ARHGEF4: variants seen among roughly 807,000 people sequenced by gnomAD.
The protein encoded by ARHGEF4 is APC-stimulated guanine nucleotide exchange factor 1.
In ARHGEF4, 119 loss-of-function variants were observed where a neutral mutation model predicts 162.0. The ratio of observed to expected loss-of-function variants is 0.73; its 90% CI spans 0.63 to 0.86. The LOEUF is 0.86. Ranked by LOEUF, ARHGEF4 falls within the 40% of genes least tolerant of loss-of-function variation. The pLI, the probability that ARHGEF4 is intolerant of heterozygous loss-of-function variation, is 0.00. For missense variants in ARHGEF4, 2,488 were observed against 2,456.0 expected (o/e 1.01, Z -0.28); for synonymous variants, 1,014 against 979.9 (o/e 1.03, Z -0.65).
At position 131,038,887 on chromosome 2, in the gene ARHGEF4, C is replaced by A; in HGVS notation, c.4160C>A (p.Ala1387Glu). The change falls in exon 6 of 14, where the codon GCA (alanine) becomes GAA (glutamate). Residue 1387 changes from alanine to glutamate, a missense_variant. Ala to Glu is a moderately radical substitution (Grantham distance 107). Around this residue, in one of 6 missense-constraint regions of ARHGEF4, gnomAD observed 5 missense variants for 18.5 expected, o/e 0.27. Transcript: ENST00000409359. Reference sequence around the variant, plus strand: ...GATGGCAGTGTGGTCTGCGCTGAAGCACTCTGGGACCATGTCACCATGGAC... The same window carrying A: ...GATGGCAGTGTGGTCTGCGCTGAAGAACTCTGGGACCATGTCACCATGGAC... ...ISDGSVVCAE[A>E]LWDHVTMDDQ... 1 of 1,613,296 alleles carries A rather than the reference C, an allele frequency of 6.2e-7. No homozygotes were observed. Among genetic ancestry groups the A allele is most frequent in the Non-Finnish European group, 8.5e-7 (1 of 1,179,912 alleles).
intron 1 of ARHGEF4, among the ~76,000 whole-genome samples, chr2:130,892,281 G>A (rs923850508): frequency 3.3e-5 from 5 of 152,300 alleles, no homozygotes; most frequent in Middle Eastern, 3.4e-3. Context: ...CAGATGTGGA[G>A]AGTTTCCCTC....
intron 2 of ARHGEF4, among the ~76,000 whole-genome samples, chr2:130,922,640 T>C (rs1236511054): frequency 6.6e-6 from 1 of 152,176 alleles, no homozygotes; most frequent in Non-Finnish European, 1.5e-5. Context: ...AGTGAGTTAG[T>C]CTAGAGTCCG....
intron 1 of ARHGEF4, among the ~76,000 whole-genome samples, chr2:130,896,290 T>C (rs1306105979): frequency 6.6e-6 from 1 of 152,240 alleles, no homozygotes; most frequent in East Asian, 1.9e-4. Flanking sequence ...TAAGTACTTA[T>C]GTTGTCTTGG....
chr2:131,008,780 A>G, intron 4 of ARHGEF4, among the ~76,000 whole-genome samples: 1 of 152,160 alleles, frequency 6.6e-6, no homozygotes. Context: ...AATATTTACC[A>G]CTTTATATAA....
chr2:130,860,414 CAA>C (rs1370398520), intron 1 of ARHGEF4, among the ~76,000 whole-genome samples: 5 of 68,314 alleles, frequency 7.3e-5, no homozygotes, highest in African/African-American at 5.2e-4. Context: ...TGCTCAACAA[CAA>C]GAGTGAGTTA....
intron 1 of ARHGEF4, among the ~76,000 whole-genome samples, chr2:130,903,457 A>AC (rs1436939693): frequency 4.6e-5 from 7 of 152,012 alleles, no homozygotes; most frequent in African/African-American, 1.4e-4. Context: ...ATGGGGTTTC[A>AC]CCATGTTGGC....
At chr2:131,018,426 G>T (rs904203661) in intron 4 of ARHGEF4, among the ~76,000 whole-genome samples, 1 of 152,028 alleles carries the variant, frequency 6.6e-6, no homozygotes, top group Non-Finnish European at 1.5e-5. Context: ...TTTGAGTTGG[G>T]CTAGTTTTTG....
At chr2:130,981,671 AAG>A (rs1491082406) in intron 4 of ARHGEF4, among the ~76,000 whole-genome samples, 2 of 151,730 alleles carry the variant, frequency 1.3e-5, no homozygotes, top group African/African-American at 2.4e-5. Flanking sequence ...AAAAAAAAAA[AAG>A]AAAAAAAAGA....
intron 1 of ARHGEF4, among the ~76,000 whole-genome samples, chr2:130,852,703 C>T (rs994911937): frequency 6.6e-6 from 1 of 152,298 alleles, no homozygotes; most frequent in South Asian, 2.1e-4. Context: ...ATCTGAAAGC[C>T]GAGCAGGACT....
chr2:130,844,691 C>G (rs1203053207), intron 1 of ARHGEF4, among the ~76,000 whole-genome samples: 4 of 152,072 alleles, frequency 2.6e-5, no homozygotes, highest in Non-Finnish European at 5.9e-5. Flanking sequence ...TCATGTAACC[C>G]CTTCACTCTC....
intron 1 of ARHGEF4, among the ~76,000 whole-genome samples, chr2:130,864,382 G>A (rs553364508): frequency 2.0e-5 from 3 of 152,290 alleles, no homozygotes; most frequent in African/African-American, 7.2e-5. Context: ...GCCTGGGGCT[G>A]GAGTGAGGGG....
chr2:131,046,015 C>G, intron 13 of ARHGEF4, 23 bp from the exon 14 acceptor site: 1 of 1,600,500 alleles, frequency 6.2e-7, no homozygotes, highest in African/African-American at 1.3e-5. Flanking sequence ...ACCCATGACC[C>G]TCTGCTGTCT....
At chr2:130,930,843 C>G in intron 2 of ARHGEF4, 109 bp from the exon 3 acceptor site, 1 of 1,072,658 alleles carries the variant, frequency 9.3e-7, no homozygotes, top group Non-Finnish European at 1.3e-6. Context: ...GAAAATTAAC[C>G]AAAACATAGT....
chr2:130,882,377 G>A (rs1031992752), intron 1 of ARHGEF4, among the ~76,000 whole-genome samples: 3 of 152,038 alleles, frequency 2.0e-5, no homozygotes, highest in East Asian at 1.9e-4. Flanking sequence ...AAGGCTGGAC[G>A]CCCGTGGTCA....
At chr2:130,837,608 C>G (rs1160845539) in intron 1 of ARHGEF4, 1 of 451,886 alleles carries the variant, frequency 2.2e-6, no homozygotes, top group Admixed American at 2.4e-5. Flanking sequence ...ACGCCTCCAC[C>G]TCGCTGCCCC....
intron 4 of ARHGEF4, 132 bp downstream of exon 4, chr2:130,946,767 T>C: frequency 7.9e-7 from 1 of 1,269,798 alleles, no homozygotes; most frequent in East Asian, 2.5e-5. Flanking sequence ...TAAACAATTG[T>C]CCTCTTCCTT....
In ARHGEF4 at chr2:130,993,312, T is replaced by C. The variant is rs72860134; in HGVS notation, c.3986-34633T>C. Among the ~76,000 whole-genome samples, 577 of 152,352 alleles carry C rather than the reference T, an allele frequency of 3.8e-3. 4 individuals carry two copies. Among genetic ancestry groups the C allele is most frequent in the Non-Finnish European group, 6.3e-3 (427 of 68,040 alleles). On this transcript the variant is annotated intron_variant, in intron 4 of 13. Transcript: ENST00000409359. ...TATACACAGATATTCTAATCAACTT[T>C]TTAAAAAATTTCTGGCATATTTGTA...
chr2:130,841,961 C>T (rs375740096), intron 1 of ARHGEF4, among the ~76,000 whole-genome samples: 6 of 152,222 alleles, frequency 3.9e-5, no homozygotes, highest in African/African-American at 1.4e-4. Context: ...TGATGCTCTT[C>T]CCCCAGGGTC....
chr2:130,969,547 C>T (rs574671103), intron 4 of ARHGEF4, among the ~76,000 whole-genome samples: 73 of 151,582 alleles, frequency 4.8e-4, no homozygotes, highest in African/African-American at 1.7e-3. Context: ...TGCAGTGAGC[C>T]GAGATCGCGC....
Sources: allele counts gnomAD v4.1 joint callset (sites outside exome capture counted in the v4.1 genomes callset), GRCh38; gene constraint gnomAD v4.1.1; regional missense constraint gnomAD v4.1.1; transcripts MANE v1.5; gene names NCBI Gene and HGNC (gene_info 2026-07-23, HGNC 2026-07-21).